Variants in RGS7 observed in about 807,000 individuals in gnomAD.
The protein encoded by RGS7 is regulator of G protein signaling 7.
Under a neutral mutation model 81.1 loss-of-function variants are expected in RGS7, and 27 were observed. The ratio of observed to expected loss-of-function variants is 0.33; its 90% CI spans 0.25 to 0.46. The LOEUF (loss-of-function observed/expected upper bound fraction) is 0.46, where lower values mean the gene tolerates loss of function less well. RGS7 is among the 20% of genes least tolerant of loss of function. The pLI is 1.00. For synonymous variants in RGS7, 208 were observed against 207.7 expected (o/e 1.00, Z -0.01); for missense variants, 396 against 607.4 (o/e 0.65, Z 3.66).
intron 3 of RGS7, among the ~76,000 whole-genome samples, chr1:241,079,750 C>T (rs143364317): frequency 3.3e-5 from 5 of 152,088 alleles, no homozygotes; most frequent in Non-Finnish European, 5.9e-5. Context: ...AAAACACATC[C>T]GGACTAGCAA....
At chr1:241,042,167 G>A (rs775374283) in intron 3 of RGS7, among the ~76,000 whole-genome samples, 5 of 152,158 alleles carry the variant, frequency 3.3e-5, no homozygotes, top group African/African-American at 7.2e-5. Context: ...GTGTGGGGGC[G>A]CTGTACATAT....
At chr1:241,122,631 C>A (rs1402238527) in intron 2 of RGS7, among the ~76,000 whole-genome samples, 1 of 150,818 alleles carries the variant, frequency 6.6e-6, no homozygotes, top group Non-Finnish European at 1.5e-5. Flanking sequence ...CCATTGCACT[C>A]CAGCCTGGCC....
At chr1:241,093,126 A>T (rs1417657343) in intron 3 of RGS7, among the ~76,000 whole-genome samples, 1 of 152,192 alleles carries the variant, frequency 6.6e-6, no homozygotes, top group Non-Finnish European at 1.5e-5. Context: ...ACATGAAGGA[A>T]ATGTCTTTTA....
intron 2 of RGS7, among the ~76,000 whole-genome samples, chr1:241,256,011 A>G (rs1025580891): frequency 1.3e-5 from 2 of 152,302 alleles, no homozygotes; most frequent in East Asian, 3.9e-4. Flanking sequence ...ACTAAAAAGA[A>G]GAGAGATCTG....
intron 2 of RGS7, among the ~76,000 whole-genome samples, chr1:241,140,927 A>G (rs2067879194): frequency 6.6e-6 from 1 of 152,202 alleles, no homozygotes; most frequent in East Asian, 1.9e-4. Context: ...CTGATCTTGT[A>G]GCACTTTGGG....
intron 10 of RGS7, among the ~76,000 whole-genome samples, chr1:240,817,984 T>G (rs1248470446): frequency 6.6e-6 from 1 of 152,212 alleles, no homozygotes; most frequent in Non-Finnish European, 1.5e-5. Flanking sequence ...ATTCCCAGAC[T>G]ATCTTGGGTA....
intron 2 of RGS7, among the ~76,000 whole-genome samples, chr1:241,099,052 AAG>A (rs1316145242): frequency 6.6e-6 from 1 of 152,206 alleles, no homozygotes; most frequent in Non-Finnish European, 1.5e-5. Context: ...GTTAAGATCA[AAG>A]AGTGTTTATT....
chr1:241,161,753 T>C (rs1325881457), intron 2 of RGS7, among the ~76,000 whole-genome samples: 2 of 149,968 alleles, frequency 1.3e-5, no homozygotes, highest in African/African-American at 4.9e-5. Context: ...AGTCTCACTC[T>C]GTTGCTCAGG....
intron 2 of RGS7, among the ~76,000 whole-genome samples, chr1:241,146,224 GA>G (rs1009793270): frequency 3.3e-4 from 49 of 149,576 alleles, no homozygotes; most frequent in African/African-American, 7.4e-4. Context: ...ACAGTACAAT[GA>G]AAAAAAAATA....
chr1:241,283,545 T>A (rs896807500), intron 2 of RGS7, among the ~76,000 whole-genome samples: 26 of 151,488 alleles, frequency 1.7e-4, no homozygotes, highest in Admixed American at 7.2e-4. Flanking sequence ...TTAATGAAAA[T>A]TTTTAAGATT....
At chr1:241,168,924 T>TA (rs76593715) in intron 2 of RGS7, among the ~76,000 whole-genome samples, 27,115 of 152,022 alleles carry the variant, frequency 0.18, 3,736 homozygotes, top group African/African-American at 0.38. Context: ...ACTGTGCCCA[T>TA]AACCTGAAGA....
chr1:240,823,961 C>A (rs1338425675), intron 10 of RGS7, among the ~76,000 whole-genome samples: 18 of 152,084 alleles, frequency 1.2e-4, no homozygotes, highest in Admixed American at 1.1e-3. Flanking sequence ...AGGCTGATTT[C>A]TTTCTGGCTA....
chr1:241,246,390 T>C (rs960234949), intron 2 of RGS7, among the ~76,000 whole-genome samples: 3 of 152,162 alleles, frequency 2.0e-5, no homozygotes, highest in African/African-American at 4.8e-5. Flanking sequence ...GGTTGTGAAA[T>C]TGAAATCCTG....
chr1:241,246,836 T>C (rs764281713), intron 2 of RGS7, among the ~76,000 whole-genome samples: 101 of 152,004 alleles, frequency 6.6e-4, no homozygotes, highest in Non-Finnish European at 1.3e-3. Flanking sequence ...GGGAGAGCAG[T>C]AGCAGTCCAA....
intron 2 of RGS7, among the ~76,000 whole-genome samples, chr1:241,304,603 C>G: frequency 6.6e-6 from 1 of 151,982 alleles, no homozygotes; most frequent in East Asian, 1.9e-4. Context: ...GGGCCGGGAG[C>G]GGGTGTTGTG....
At chr1:240,944,998 A>AC (rs11432871) in intron 4 of RGS7, among the ~76,000 whole-genome samples, 10,759 of 152,304 alleles carry the variant, frequency 0.071, 576 homozygotes, top group African/African-American at 0.15. Context: ...GGCGTGTGCC[A>AC]CGCATCCAGC....
At chr1:241,264,690 T>G (rs2148304354) in intron 2 of RGS7, among the ~76,000 whole-genome samples, 1 of 152,326 alleles carries the variant, frequency 6.6e-6, no homozygotes, top group Non-Finnish European at 1.5e-5. Context: ...ACATGATCTT[T>G]TAATGCTAAA....
intron 6 of RGS7, among the ~76,000 whole-genome samples, chr1:240,902,893 A>T (rs1458737496): frequency 2.0e-5 from 3 of 152,248 alleles, no homozygotes; most frequent in Non-Finnish European, 4.4e-5. Context: ...ATGTGTTTAA[A>T]AGTAGCAAAA....
chr1:241,174,134 A>C (rs1330001313), intron 2 of RGS7, among the ~76,000 whole-genome samples: 1 of 152,228 alleles, frequency 6.6e-6, no homozygotes, highest in Non-Finnish European at 1.5e-5. Context: ...AACCAAAGAA[A>C]AATATGAGCA....
Sources: allele counts gnomAD v4.1 joint callset (sites outside exome capture counted in the v4.1 genomes callset), GRCh38; gene constraint gnomAD v4.1.1; transcripts MANE v1.5; gene names NCBI Gene and HGNC (gene_info 2026-07-23, HGNC 2026-07-21).